Variants in IGSF10 observed in about 807,000 individuals in gnomAD.
IGSF10 encodes the protein calvaria mechanical force protein 608.
IGSF10 carries 126 observed loss-of-function variants against 128.2 expected under a neutral mutation model. The ratio of observed to expected loss-of-function variants is 0.98; its 90% confidence interval spans 0.85 to 1.14. The LOEUF is 1.14. Ranked by LOEUF, IGSF10 falls within the 50% of genes most tolerant of loss-of-function variation. The probability of loss-of-function intolerance (pLI) is 0.00; values close to 1 mark genes in which losing one functional copy is unlikely to be tolerated. For synonymous variants in IGSF10, 1,185 were observed against 1,146.2 expected, an observed-to-expected ratio of 1.03 and a Z score of -0.68; for missense variants, 3,295 against 3,149.8, an observed-to-expected ratio of 1.05 and a Z score of -1.10.
chr3:151,450,879 G>C (rs1721478092), intron 5 of IGSF10, among the ~76,000 whole-genome samples: 1 of 105,504 alleles, frequency 9.5e-6, no homozygotes, highest in African/African-American at 4.0e-5. Flanking sequence ...TGGGCAACAA[G>C]AGCAAAACTC....
the IGSF10 span, among the ~76,000 whole-genome samples, chr3:151,481,327 G>A: frequency 1.3e-5 from 2 of 152,162 alleles, no homozygotes; most frequent in African/African-American, 4.8e-5. Flanking sequence ...TCATCACTGT[G>A]TTGTTCCCTA....
chr3:151,535,301 C>T, the IGSF10 span, among the ~76,000 whole-genome samples: 1 of 152,136 alleles, frequency 6.6e-6, no homozygotes. Context: ...AAATCACATA[C>T]TTTGCAGCAA....
At chr3:151,545,091 C>A in the IGSF10 span, among the ~76,000 whole-genome samples, 1 of 152,152 alleles carries the variant, frequency 6.6e-6, no homozygotes, top group East Asian at 1.9e-4. Flanking sequence ...TGTTTCACAA[C>A]TGTAATATAT....
At chr3:151,463,523 G>GTTTTTTTTTTTTTGTTT (rs1722144272), upstream of IGSF10, among the ~76,000 whole-genome samples, 14 of 31,290 alleles carry the variant, frequency 4.5e-4, no homozygotes, top group Non-Finnish European at 5.8e-4. Context: ...ACATTTTCTG[G>GTTTTTTTTTTTTTGTTT]TTTTTTTTTT....
chr3:151,561,019 C>T, the IGSF10 span, among the ~76,000 whole-genome samples: 1 of 152,108 alleles, frequency 6.6e-6, no homozygotes, highest in Non-Finnish European at 1.5e-5. Context: ...TCTTTTCTTT[C>T]TAAATTGAGC....
At chr3:151,441,442 T>G (rs1432101847) in intron 7 of IGSF10, among the ~76,000 whole-genome samples, 2 of 152,168 alleles carry the variant, frequency 1.3e-5, no homozygotes, top group African/African-American at 4.8e-5. Flanking sequence ...TGATGACATT[T>G]GAAAAACTTG....
At position 151,438,593 on chromosome 3, in the gene IGSF10, C is replaced by T. The variant is rs1720605226; in HGVS notation, c.5968G>A (p.Gly1990Ser). Residue 1990 changes from glycine to serine, a missense_variant, in exon 8 of 8, where the codon GGC (glycine) becomes AGC (serine). Transcript: ENST00000282466. ...TTAGGGTAGACGTGGATCCAGCTGCCCACTCTAAGGAGAAAAGAGATTCAT... is the reference window on the plus strand; with the variant it reads ...TTAGGGTAGACGTGGATCCAGCTGCTCACTCTAAGGAGAAAAGAGATTCAT... ...KAVVDQQHRVGSWIHVYPNGS... is the reference protein window; with the variant it reads ...KAVVDQQHRVSSWIHVYPNGS... 1 of 1,610,580 alleles carries T rather than the reference C, an allele frequency of 6.2e-7. No homozygotes were observed.
chr3:151,522,149 G>T, the IGSF10 span, among the ~76,000 whole-genome samples: 1 of 151,786 alleles, frequency 6.6e-6, no homozygotes, highest in African/African-American at 2.4e-5. Context: ...ACTGAACCAG[G>T]AAGAAAATCC....
downstream of IGSF10, chr3:151,435,062 C>CTTTTTTTTTTTTTTTTTTTTTT (rs66791814): frequency 2.5e-5 from 3 of 119,084 alleles, no homozygotes; most frequent in African/African-American, 3.1e-5. Context: ...TGAGAGGTTT[C>CTTTTTTTTTTTTTTTTTTTTTT]TTTTTTTTTT....
At chr3:151,492,641 C>G in the IGSF10 span, among the ~76,000 whole-genome samples, 2 of 152,090 alleles carry the variant, frequency 1.3e-5, no homozygotes, top group East Asian at 3.9e-4. Context: ...TCACTGGAAA[C>G]TGGGAAGCGG....
At chr3:151,537,967 C>T in the IGSF10 span, among the ~76,000 whole-genome samples, 20 of 152,304 alleles carry the variant, frequency 1.3e-4, no homozygotes, top group East Asian at 3.1e-3. Flanking sequence ...CTCAGAGCAG[C>T]TAGGATCCCT....
Position 151,437,978 on chromosome 3 carries a change from T to C in IGSF10, c.6583A>G (p.Asn2195Asp). ...ACTTTGTTGATGGTCAAAGACCCAT[T>C]GGCATGAAATGTGTACCTATCAATG... ...FSIDRYTFHA[N>D]GSLTINKVKL... is the part of the protein sequence containing the mutation. Residue 2195 changes from asparagine to aspartate, a missense_variant, in exon 8 of 8, where the codon AAT becomes GAT. Physicochemically the swap from Asn to Asp is conservative, Grantham distance 23 (BLOSUM62 1). Coordinates refer to ENST00000282466, the MANE Select transcript of IGSF10 (RefSeq NM_178822.5). 6.2e-7 allele frequency: 1 copy of C among 1,614,220 alleles called. No homozygotes were observed. The highest frequency in any genetic ancestry group is 8.5e-7 in the Non-Finnish European group (1 of 1,180,038).
At chr3:151,600,408 T>G in the IGSF10 span, among the ~76,000 whole-genome samples, 3 of 152,160 alleles carry the variant, frequency 2.0e-5, no homozygotes, top group African/African-American at 7.2e-5. Context: ...ACGTATTATT[T>G]TTGTAATTCA....
chr3:151,598,877 A>G, the IGSF10 span, among the ~76,000 whole-genome samples: 1 of 152,328 alleles, frequency 6.6e-6, no homozygotes, highest in East Asian at 1.9e-4. Flanking sequence ...TTTAATTGAA[A>G]AAGTTTAGCT....
the IGSF10 span, among the ~76,000 whole-genome samples, chr3:151,616,489 C>A: frequency 6.6e-6 from 1 of 152,046 alleles, no homozygotes; most frequent in African/African-American, 2.4e-5. Flanking sequence ...GGTTTTGTAT[C>A]TTGGAGAATT....
Position 151,447,102 on chromosome 3 carries a change from T to G in IGSF10, c.2879A>C (p.Glu960Ala). ...GTGATTGTGCCTGGGTTCACTCACT[T>G]CTCTTACAGATGTCTGATGACTATT... is the stretch of plus-strand genomic sequence containing the variant. ...TTNSHQTSVR[E>A]VSEPRHNHFY... The change falls in exon 6 of 8, where the codon GAA (glutamate) becomes GCA (alanine). Residue 960 changes from glutamate (E) to alanine (A), a missense_variant. Physicochemically the swap from Glu to Ala is moderately radical, Grantham distance 107. Coordinates refer to ENST00000282466, the MANE Select transcript of IGSF10 (RefSeq NM_178822.5). The G allele has an allele frequency of 6.2e-7, 1 of 1,614,184 alleles. No individual in the cohort carries two copies. Among genetic ancestry groups the G allele is most frequent in the Non-Finnish European group, 8.5e-7 (1 of 1,180,030 alleles).
rs1305032971 is a variant in IGSF10 at position 151,438,610 on chromosome 3, G to A, written c.5964-13C>T. 6 of 1,597,670 alleles carry A rather than the reference G, an allele frequency of 3.8e-6. No individual in the cohort carries two copies. In the African/African-American group the frequency reaches 8.1e-5, roughly 21 times the overall value. On this transcript the variant is annotated splice_polypyrimidine_tract_variant and intron_variant, in intron 7 of 7. Transcript: ENST00000282466. ...CCAGCTGCCCACTCTAAGGAGAAAA[G>A]AGATTCATTTGAGTGTGCAGCTGTT...
At chr3:151,551,018 A>G in the IGSF10 span, among the ~76,000 whole-genome samples, 1 of 152,086 alleles carries the variant, frequency 6.6e-6, no homozygotes, top group Non-Finnish European at 1.5e-5. Flanking sequence ...CTAACAACCC[A>G]GCATGGTTCA....
In IGSF10 at chr3:151,452,346, C is replaced by T. The variant is rs146500692; in HGVS notation, c.715+1038G>A. Among the ~76,000 whole-genome samples, 254 of 152,298 alleles carry T rather than the reference C, an allele frequency of 1.7e-3. 14 individuals are homozygous for T. In the East Asian group the frequency reaches 0.041, roughly 25 times the overall value. On this transcript the variant is annotated intron_variant, in intron 5 of 7. Coordinates refer to ENST00000282466, the MANE Select transcript of IGSF10 (RefSeq NM_178822.5). ...CACCTAGGCTATATGGTAAAGCCTA[C>T]TGCTCCTAGGCTACAGACCCATACA...
Sources: allele counts gnomAD v4.1 joint callset (sites outside exome capture counted in the v4.1 genomes callset), GRCh38; gene constraint gnomAD v4.1.1; transcripts MANE v1.5; gene names NCBI Gene and HGNC (gene_info 2026-07-23, HGNC 2026-07-21).